BEND6: variants seen among roughly 807,000 people sequenced by gnomAD.
BEND6 encodes the protein BEN domain-containing protein 6.
Under a neutral mutation model 31.8 loss-of-function variants are expected in BEND6, and 24 were observed. The observed-to-expected ratio is 0.75, with a 90% CI of 0.55 to 1.06. The LOEUF (loss-of-function observed/expected upper bound fraction) is 1.06, where lower values mean the gene tolerates loss of function less well. Among genes scored for constraint, BEND6 ranks in the 50% least tolerant of loss-of-function variants. BEND6 has a pLI of 0.00. For missense variants in BEND6, 294 were observed against 327.4 expected (o/e 0.90, Z 0.79); for synonymous variants, 109 against 114.6 (o/e 0.95, Z 0.31).
At chr6:57,008,148 G>A (rs776942756) in intron 3 of BEND6, 15 of 702,592 alleles carry the variant, frequency 2.1e-5, no homozygotes, top group East Asian at 2.7e-5. Flanking sequence ...CTGTGGTACC[G>A]GAGTGATTAT....
chr6:56,958,982 G>T (rs1825193964), intron 1 of BEND6, among the ~76,000 whole-genome samples: 1 of 152,228 alleles, frequency 6.6e-6, no homozygotes, highest in Non-Finnish European at 1.5e-5. Flanking sequence ...TAAAGGGGAT[G>T]AGTAGAAAAG....
At chr6:57,000,508 A>G (rs1007532779) in intron 3 of BEND6, among the ~76,000 whole-genome samples, 7 of 151,886 alleles carry the variant, frequency 4.6e-5, no homozygotes, top group African/African-American at 1.7e-4. Flanking sequence ...CCTTCTCTCC[A>G]CTATTATCCT....
At chr6:57,015,470 CA>C in intron 4 of BEND6, 117 bp downstream of exon 4, 1 of 1,028,950 alleles carries the variant, frequency 9.7e-7, no homozygotes, top group Non-Finnish European at 1.4e-6. Flanking sequence ...TAGTTTTATT[CA>C]ATAGGAATAT....
chr6:56,961,060 T>C (rs1290396799), intron 1 of BEND6, among the ~76,000 whole-genome samples: 1 of 152,192 alleles, frequency 6.6e-6, no homozygotes, highest in Non-Finnish European at 1.5e-5. Context: ...AAAACTTGTG[T>C]CTCATTTTGA....
chr6:56,995,222 T>A (rs1400826184), intron 3 of BEND6, among the ~76,000 whole-genome samples: 17 of 143,262 alleles, frequency 1.2e-4, no homozygotes, highest in Middle Eastern at 7.2e-3. Context: ...TTCTCCCATT[T>A]AAAAAAAAAA....
intron 1 of BEND6, among the ~76,000 whole-genome samples, chr6:56,975,115 C>T (rs1449902079): frequency 6.6e-6 from 1 of 151,684 alleles, no homozygotes; most frequent in Non-Finnish European, 1.5e-5. Flanking sequence ...GAAACTGTCT[C>T]AAAAAATAAT....
At chr6:57,014,836 GA>G (rs1273736352) in intron 3 of BEND6, among the ~76,000 whole-genome samples, 1 of 151,216 alleles carries the variant, frequency 6.6e-6, no homozygotes, top group African/African-American at 2.4e-5. Context: ...CTAGCAACTA[GA>G]AAAAAAAGAA....
At chr6:57,014,550 A>T in intron 3 of BEND6, 1 of 1,469,368 alleles carries the variant, frequency 6.8e-7, no homozygotes, top group South Asian at 1.3e-5. Context: ...GAAAAAAGGA[A>T]CAAAGAAAAT....
intron 3 of BEND6, among the ~76,000 whole-genome samples, chr6:56,996,681 A>G (rs1050244644): frequency 6.6e-6 from 1 of 152,224 alleles, no homozygotes; most frequent in Non-Finnish European, 1.5e-5. Context: ...ACCAGAAACT[A>G]TGATGTTATC....
At chr6:57,015,898 G>A (rs985453056) in intron 4 of BEND6, among the ~76,000 whole-genome samples, 8 of 151,528 alleles carry the variant, frequency 5.3e-5, no homozygotes, top group African/African-American at 1.9e-4. Flanking sequence ...GGGAGAAGAA[G>A]GTCTTCTCTG....
chr6:56,968,324 T>TC, intron 1 of BEND6, among the ~76,000 whole-genome samples: 1 of 124,772 alleles, frequency 8.0e-6, no homozygotes, highest in East Asian at 2.3e-4. Context: ...TTTTTTTTTT[T>TC]TTTTTTTTTT....
intron 1 of BEND6, among the ~76,000 whole-genome samples, chr6:56,979,226 A>G (rs1439409212): frequency 2.0e-5 from 3 of 152,212 alleles, no homozygotes; most frequent in Non-Finnish European, 4.4e-5. Context: ...GACATGCTAA[A>G]AGGCAAATAT....
intron 3 of BEND6, among the ~76,000 whole-genome samples, chr6:57,007,163 C>T (rs1296136021): frequency 6.6e-6 from 1 of 151,932 alleles, no homozygotes; most frequent in Non-Finnish European, 1.5e-5. Flanking sequence ...GTGGCACGCA[C>T]CTGTGGTCTC....
intron 1 of BEND6, among the ~76,000 whole-genome samples, chr6:56,973,588 A>G (rs765070082): frequency 3.9e-5 from 6 of 152,174 alleles, no homozygotes; most frequent in Non-Finnish European, 8.8e-5. Flanking sequence ...CTCTCTCAAA[A>G]TATCTTACTG....
At chr6:56,959,256 G>C (rs1825205856) in intron 1 of BEND6, among the ~76,000 whole-genome samples, 2 of 152,294 alleles carry the variant, frequency 1.3e-5, no homozygotes, top group African/African-American at 4.8e-5. Context: ...CATGCCCATG[G>C]TTTCTTCCCC....
At chr6:56,956,586 T>C (rs1229297957) in intron 1 of BEND6, among the ~76,000 whole-genome samples, 1 of 152,242 alleles carries the variant, frequency 6.6e-6, no homozygotes, top group East Asian at 1.9e-4. Context: ...ATGTTGCATC[T>C]CATTCATTCA....
chr6:57,016,910 G>T (rs1827583697), intron 4 of BEND6, among the ~76,000 whole-genome samples: 1 of 152,110 alleles, frequency 6.6e-6, no homozygotes, highest in Admixed American at 6.5e-5. Flanking sequence ...GAAGCACTGA[G>T]TATGGGACTA....
Position 56,967,453 on chromosome 6 carries a change from G to A in BEND6, c.-101+11993G>A, listed in dbSNP as rs75839912. On this transcript the variant is annotated intron_variant, in intron 1 of 6. Transcript: ENST00000370746. ...CCGGGAGGATAAATTCTCCTGACTC[G>A]CTGTCCTCCCTCCCTCTGATCTCAT... 9.6e-3 allele frequency among the ~76,000 whole-genome samples: 1,466 copies of A among 152,180 alleles called. 24 individuals carry two copies. The highest frequency in any genetic ancestry group is 0.032 in the African/African-American group (1,341 of 41,510).
chr6:57,001,596 T>C (rs1238587771), intron 3 of BEND6, among the ~76,000 whole-genome samples: 3 of 152,210 alleles, frequency 2.0e-5, no homozygotes, highest in African/African-American at 7.2e-5. Flanking sequence ...TTCAGCATTC[T>C]TAAAACAAGA....
Sources: allele counts gnomAD v4.1 joint callset (sites outside exome capture counted in the v4.1 genomes callset), GRCh38; gene constraint gnomAD v4.1.1; transcripts MANE v1.5; gene names NCBI Gene and HGNC (gene_info 2026-07-23, HGNC 2026-07-21).